The following AK8 variants were observed in gnomAD, a reference collection of about 807,000 sequenced individuals.
AK8 encodes adenylate kinase 8, also known as ATP-AMP transphosphorylase 8.
A neutral mutation model predicts 54.6 loss-of-function variants in AK8; 44 were observed. The ratio of observed to expected loss-of-function variants is 0.81; its 90% CI spans 0.63 to 1.04. The LOEUF (loss-of-function observed/expected upper bound fraction) is 1.04. Ranked by LOEUF, AK8 falls within the 50% of genes least tolerant of loss-of-function variation. AK8 has a pLI of 0.00. For missense variants in AK8, 555 were observed against 613.6 expected, an observed-to-expected ratio of 0.90 and a Z score of 1.01; for synonymous variants, 239 against 245.6, an observed-to-expected ratio of 0.97 and a Z score of 0.25.
intron 11 of AK8, among the ~76,000 whole-genome samples, chr9:132,754,592 G>A (rs181213578): frequency 3.9e-5 from 6 of 152,112 alleles, no homozygotes; most frequent in Non-Finnish European, 4.4e-5. Flanking sequence ...TCCTCTTGCC[G>A]CTGCCCTCTC....
chr9:132,792,980 C>T (rs1467357927), intron 10 of AK8, among the ~76,000 whole-genome samples: 1 of 152,220 alleles, frequency 6.6e-6, no homozygotes, highest in Non-Finnish European at 1.5e-5. Flanking sequence ...ATGGGAAATG[C>T]ACTGGCTGAC....
intron 2 of AK8, among the ~76,000 whole-genome samples, chr9:132,873,608 T>C (rs1463066737): frequency 1.3e-5 from 2 of 152,372 alleles, no homozygotes; most frequent in African/African-American, 2.4e-5. Flanking sequence ...GCTTTCCCTT[T>C]GCGGTCCATT....
chr9:132,857,866 T>C (rs1482515300), intron 4 of AK8, among the ~76,000 whole-genome samples: 7 of 152,320 alleles, frequency 4.6e-5, no homozygotes. Flanking sequence ...CACTGTGCTG[T>C]CTCCACGCCA....
At chr9:132,834,031 G>A (rs940863058) in intron 5 of AK8, among the ~76,000 whole-genome samples, 6 of 152,214 alleles carry the variant, frequency 3.9e-5, no homozygotes, top group Non-Finnish European at 7.3e-5. Context: ...AGACTCCACC[G>A]GAGGCATTCC....
At chr9:132,825,533 T>C (rs1179130131) in intron 8 of AK8, among the ~76,000 whole-genome samples, 1 of 152,228 alleles carries the variant, frequency 6.6e-6, no homozygotes, top group Non-Finnish European at 1.5e-5. Context: ...GCAAAATCAC[T>C]GGAAAATTAT....
chr9:132,775,583 A>G (rs1238041178), intron 11 of AK8, among the ~76,000 whole-genome samples: 2 of 152,204 alleles, frequency 1.3e-5, no homozygotes, highest in Non-Finnish European at 2.9e-5. Context: ...TGCTGGGATT[A>G]CAGGCATGAG....
At chr9:132,815,482 G>A (rs1236576377) in intron 9 of AK8, among the ~76,000 whole-genome samples, 1 of 152,180 alleles carries the variant, frequency 6.6e-6, no homozygotes, top group African/African-American at 2.4e-5. Flanking sequence ...GAACCTGGGA[G>A]GTGGAGGTTG....
At chr9:132,767,729 G>A (rs1310909719) in intron 11 of AK8, among the ~76,000 whole-genome samples, 1 of 152,076 alleles carries the variant, frequency 6.6e-6, no homozygotes, top group Non-Finnish European at 1.5e-5. Context: ...CGAATTAATG[G>A]ATAAAGAAAA....
At chr9:132,875,069 A>G in intron 2 of AK8, 46 bp downstream of exon 2, 1 of 1,609,484 alleles carries the variant, frequency 6.2e-7, no homozygotes, top group Non-Finnish European at 8.5e-7. Flanking sequence ...AAGGAGGAGG[A>G]GGGGAAGGGA....
At chr9:132,780,902 G>T (rs1314459984) in intron 11 of AK8, among the ~76,000 whole-genome samples, 2 of 152,078 alleles carry the variant, frequency 1.3e-5, no homozygotes, top group Non-Finnish European at 2.9e-5. Flanking sequence ...AAGACCTTGT[G>T]GGGGAGGGTT....
intron 11 of AK8, 56 bp downstream of exon 11, chr9:132,792,578 G>C (rs1307980574): frequency 2.6e-6 from 4 of 1,524,600 alleles, no homozygotes; most frequent in Non-Finnish European, 3.5e-6. Flanking sequence ...CTGAGCCCTG[G>C]AGAGGGGGTG....
At position 132,800,919 on chromosome 9, in the gene AK8, C is replaced by CCT. The variant is rs1554793659; in HGVS notation, c.980-8145_980-8144insAG. Among the ~76,000 whole-genome samples the CCT allele has an allele frequency of 6.9e-4, 86 of 123,788 alleles. 8 individuals are homozygous for CCT. Among genetic ancestry groups the CCT allele is most frequent in the African/African-American group, 8.2e-4 (27 of 33,128 alleles). 81.2% of individuals were successfully genotyped at this position (123,788 alleles called of 152,430 possible). On this transcript the variant is annotated intron_variant, in intron 10 of 12. Transcript: ENST00000298545. Reference sequence around the variant, plus strand: ...CCAACAGTGAATATTTCAGTTTGTCCTTTTTTTTTTTTTTTTTTTTGAGAC... The same window carrying CCT: ...CCAACAGTGAATATTTCAGTTTGTCCCTTTTTTTTTTTTTTTTTTTTTGAGAC...
At chr9:132,739,543 A>G (rs750963916) in intron 11 of AK8, among the ~76,000 whole-genome samples, 7 of 148,550 alleles carry the variant, frequency 4.7e-5, no homozygotes, top group Non-Finnish European at 7.4e-5. Flanking sequence ...TTTACAACAT[A>G]TATGATTTTT....
At chr9:132,858,245 C>T (rs1843255329) in intron 4 of AK8, among the ~76,000 whole-genome samples, 2 of 152,262 alleles carry the variant, frequency 1.3e-5, no homozygotes, top group African/African-American at 4.8e-5. Flanking sequence ...TGGTGGGTTT[C>T]CCGGCCTGGG....
chr9:132,800,765 C>T (rs1197083316), intron 10 of AK8, among the ~76,000 whole-genome samples: 2 of 152,206 alleles, frequency 1.3e-5, no homozygotes, highest in Non-Finnish European at 2.9e-5. Flanking sequence ...TGTTGTGCCC[C>T]TCCTCCCTTG....
chr9:132,851,483 G>A (rs926046133), intron 5 of AK8, among the ~76,000 whole-genome samples: 9 of 152,236 alleles, frequency 5.9e-5, no homozygotes, highest in Non-Finnish European at 8.8e-5. Flanking sequence ...GAGTTATCAG[G>A]AGATGACAGA....
chr9:132,789,817 G>C (rs1839870921), intron 11 of AK8, among the ~76,000 whole-genome samples: 1 of 151,990 alleles, frequency 6.6e-6, no homozygotes, highest in Non-Finnish European at 1.5e-5. Flanking sequence ...CACCAATGCT[G>C]TGTCATGCTT....
chr9:132,822,702 TC>T (rs1435216729), intron 9 of AK8, among the ~76,000 whole-genome samples: 5 of 152,106 alleles, frequency 3.3e-5, no homozygotes, highest in African/African-American at 1.2e-4. Context: ...TTTTCTCTCT[TC>T]CTGGTAAAAT....
chr9:132,777,189 C>T (rs1473990306), intron 11 of AK8, among the ~76,000 whole-genome samples: 1 of 152,132 alleles, frequency 6.6e-6, no homozygotes, highest in Non-Finnish European at 1.5e-5. Flanking sequence ...TTGGGTTGAA[C>T]GTACTTCTCA....
Sources: allele counts gnomAD v4.1 joint callset (sites outside exome capture counted in the v4.1 genomes callset), GRCh38; gene constraint gnomAD v4.1.1; transcripts MANE v1.5; gene names NCBI Gene and HGNC (gene_info 2026-07-23, HGNC 2026-07-21).